The following PCDHGA7 variants were observed in gnomAD, a reference collection of about 807,000 sequenced individuals.
PCDHGA7 encodes protocadherin gamma-A7.
A neutral mutation model predicts 58.3 loss-of-function variants in PCDHGA7; 44 were observed. The ratio of observed to expected loss-of-function variants is 0.75; its 90% CI spans 0.59 to 0.97. The LOEUF is 0.97. Ranked by LOEUF, PCDHGA7 falls within the 50% of genes least tolerant of loss-of-function variation. PCDHGA7 has a pLI of 0.00. For missense variants in PCDHGA7, 1,266 were observed against 1,188.7 expected (o/e 1.06, Z -0.96); for synonymous variants, 516 against 504.2 (o/e 1.02, Z -0.31).
chr5:141,405,394 CTT>C lies in PCDHGA7; in HGVS notation c.2424+20073_2424+20074del, dbSNP rs1561700295. 3.8e-6 allele frequency: 6 copies of C among 1,593,014 alleles called. No individual in the cohort carries two copies. In the Admixed American group the frequency reaches 7.1e-5, roughly 19 times the overall value. On this transcript the variant is annotated intron_variant, in intron 1 of 3. Transcript: ENST00000518325. ...TGGTTCCGGTGAGTTCATTTTTTTT[CTT>C]TCTTTCTTTTCTTTTTTTGTTTTTT...
chr5:141,414,537 T>C (rs2095757230), intron 1 of PCDHGA7: 1 of 1,613,978 alleles, frequency 6.2e-7, no homozygotes, highest in Non-Finnish European at 8.5e-7. Flanking sequence ...ACAACCCACC[T>C]ACCTTCTCTC....
At chr5:141,469,468 G>A (rs62379200) in intron 1 of PCDHGA7, among the ~76,000 whole-genome samples, 32,669 of 151,998 alleles carry the variant, frequency 0.21, 3,638 homozygotes, top group African/African-American at 0.27. Context: ...TCAGCTACTC[G>A]GGAGGCTGAG....
intron 1 of PCDHGA7, chr5:141,414,594 C>T: frequency 1.2e-6 from 2 of 1,613,952 alleles, no homozygotes; most frequent in Non-Finnish European, 1.7e-6. Flanking sequence ...CCAGGGGTGC[C>T]TCCATCTTCT....
chr5:141,384,904 C>G lies in PCDHGA7; in HGVS notation c.2005C>G (p.Pro669Ala), dbSNP rs1780643857. The G allele has an allele frequency of 6.2e-7, 1 of 1,613,886 alleles. No individual in the cohort carries two copies. Among genetic ancestry groups the G allele is most frequent in the Admixed American group, 1.7e-5 (1 of 60,010 alleles). The change falls in exon 1 of 4, where the codon CCC becomes GCC. Residue 669 changes from proline (P) to alanine (A), a missense_variant. Transcript: ENST00000518325. ...TLTVAVADSI[P>A]EVLADLGSLE... ...CACCGTGGCTGTGGCTGACAGCATC[C>G]CCGAAGTCTTGGCCGACCTGGGCAG...
chr5:141,442,796 T>G (rs909745554), intron 1 of PCDHGA7, among the ~76,000 whole-genome samples: 16 of 152,326 alleles, frequency 1.1e-4, no homozygotes, highest in African/African-American at 3.8e-4. Context: ...AATTTTACTT[T>G]GATATTCAAA....
chr5:141,399,543 C>T (rs2093831494), intron 1 of PCDHGA7: 3 of 1,614,042 alleles, frequency 1.9e-6, no homozygotes, highest in Non-Finnish European at 2.5e-6. Flanking sequence ...AAGTCTGCGC[C>T]TCGGACCTGG....
intron 1 of PCDHGA7, chr5:141,415,066 C>T (rs777981621): frequency 1.4e-5 from 23 of 1,613,410 alleles, no homozygotes; most frequent in Non-Finnish European, 1.9e-5. Flanking sequence ...GGGCGAGGTG[C>T]GCACGGCGCG....
chr5:141,425,401 T>C (rs1280463432), intron 1 of PCDHGA7, among the ~76,000 whole-genome samples: 1 of 152,234 alleles, frequency 6.6e-6, no homozygotes, highest in Non-Finnish European at 1.5e-5. Context: ...AAAGTTCTGT[T>C]AAGGTATAAC....
intron 1 of PCDHGA7, among the ~76,000 whole-genome samples, chr5:141,407,707 G>C (rs894295431): frequency 1.3e-5 from 2 of 151,964 alleles, no homozygotes; most frequent in South Asian, 4.1e-4. Flanking sequence ...TTGAAGGTGG[G>C]GTGATGGCTA....
At chr5:141,454,311 T>C (rs755771201) in intron 1 of PCDHGA7, among the ~76,000 whole-genome samples, 1 of 152,216 alleles carries the variant, frequency 6.6e-6, no homozygotes, top group Non-Finnish European at 1.5e-5. Context: ...TTTCAAAGCA[T>C]TGAAACCTCC....
At chr5:141,404,126 T>G in intron 1 of PCDHGA7, 1 of 1,613,316 alleles carries the variant, frequency 6.2e-7, no homozygotes, top group Non-Finnish European at 8.5e-7. Context: ...GAATCTATCT[T>G]TTACATTAGA....
In PCDHGA7 at chr5:141,494,836, C is replaced by G. The variant is rs1016713543; in HGVS notation, c.2454C>G (p.Phe818Leu). ...CCCCGCCCAACACGGACTGGCGTTT[C>G]TCTCAGGCCCAGAGACCCGGCACCA... ...QQAPPNTDWR[F>L]SQAQRPGTSG... The change falls in exon 2 of 4, where the codon TTC (phenylalanine) becomes TTG (leucine). Residue 818 changes from phenylalanine (F) to leucine (L), a missense_variant. Phe to Leu is a conservative substitution (Grantham distance 22, BLOSUM62 0). Coordinates refer to ENST00000518325, the MANE Select transcript of PCDHGA7 (RefSeq NM_018920.4). 1.9e-6 allele frequency: 3 copies of G among 1,614,054 alleles called. No individual in the cohort carries two copies. The highest frequency in any genetic ancestry group is 2.7e-5 in the African/African-American group (2 of 74,932).
rs1305419943 is a variant in PCDHGA7, at chr5:141,438,625, T to C, written c.2424+53302T>C. Among the ~76,000 whole-genome samples the C allele has an allele frequency of 9.7e-4, 45 of 46,410 alleles. 2 individuals are homozygous for C. Among genetic ancestry groups the C allele is most frequent in the Admixed American group, 2.2e-3 (7 of 3,192 alleles). The allele number at this position is 46,410 out of a possible 152,430, so 30.4% of individuals were successfully genotyped here. On this transcript the variant is annotated intron_variant, in intron 1 of 3. Coordinates refer to ENST00000518325, the MANE Select transcript of PCDHGA7 (RefSeq NM_018920.4). The stretch of plus-strand genomic sequence containing the variant: ...ATATATATATATATATATATATATA[T>C]ATATATATATACACACACACACACA...
Position 141,511,015 on chromosome 5 carries a change from C to T in PCDHGA7, c.2641C>T (p.Pro881Ser), listed in dbSNP as rs1430257603. The T allele has an allele frequency of 1.2e-6, 2 of 1,614,106 alleles. No homozygotes were observed. The highest frequency in any genetic ancestry group is 1.3e-5 in the African/African-American group (1 of 74,936). The stretch of plus-strand genomic sequence containing the variant: ...CATGGGATTGAGCGCCCGCTACGGA[C>T]CCCAGTTCACCCTGCAGCACGTGCC... ...GTMGLSARYG[P>S]QFTLQHVPDY... Residue 881 changes from proline (P) to serine (S), a missense_variant, in exon 4 of 4, where the codon CCC (proline) becomes TCC (serine). Coordinates refer to ENST00000518325, the MANE Select transcript of PCDHGA7 (RefSeq NM_018920.4).
intron 1 of PCDHGA7, among the ~76,000 whole-genome samples, chr5:141,460,804 T>C (rs2098998238): frequency 1.3e-5 from 2 of 152,020 alleles, no homozygotes; most frequent in African/African-American, 4.8e-5. Flanking sequence ...AGTATATATA[T>C]GTATGTATAC....
At position 141,446,758 on chromosome 5, in the gene PCDHGA7, C is replaced by T. The variant is rs776925316; in HGVS notation, c.2425-48049C>T. Among the ~76,000 whole-genome samples, 10 of 152,208 alleles carry T rather than the reference C, an allele frequency of 6.6e-5. 1 individual carries two copies. Among genetic ancestry groups the T allele is most frequent in the African/African-American group, 9.7e-5 (4 of 41,448 alleles). On this transcript the variant is annotated intron_variant, in intron 1 of 3. Transcript: ENST00000518325. ...TGGGGATTACAGGCGTGAGCCACCG[C>T]GCCCAGCCGGTTACCATTCTTTTAC...
At chr5:141,456,171 A>ACAGGCG (rs1443838766) in intron 1 of PCDHGA7, among the ~76,000 whole-genome samples, 2 of 152,096 alleles carry the variant, frequency 1.3e-5, no homozygotes, top group East Asian at 3.9e-4. Flanking sequence ...TGCTGGGATT[A>ACAGGCG]CAGAATAATT....
chr5:141,415,126 C>T, intron 1 of PCDHGA7: 1 of 1,613,688 alleles, frequency 6.2e-7, no homozygotes, highest in Non-Finnish European at 8.5e-7. Context: ...AGTGGCCGTC[C>T]AGGACCACGG....
intron 1 of PCDHGA7, chr5:141,395,652 A>C (rs2093296938): frequency 6.0e-6 from 1 of 165,528 alleles, no homozygotes; most frequent in Admixed American, 6.1e-5. Context: ...TTAGCTTAGC[A>C]AAAGTAAAAT....
Sources: gnomAD v4.1 joint callset for allele counts (sites outside exome capture counted in the v4.1 genomes callset) on GRCh38, gnomAD v4.1.1 for gene constraint, MANE v1.5 for transcripts, NCBI Gene and HGNC (gene_info 2026-07-23, HGNC 2026-07-21) for gene names.